The following RHOD variants were observed in gnomAD, a reference collection of about 807,000 sequenced individuals.
RHOD encodes ras homolog family member D.
RHOD carries 11 observed loss-of-function variants against 16.7 expected under a neutral mutation model. The ratio of observed to expected loss-of-function variants is 0.66; its 90% CI spans 0.41 to 1.09. RHOD has a LOEUF of 1.09. Ranked by LOEUF, RHOD falls within the 50% of genes least tolerant of loss-of-function variation. RHOD has a pLI of 0.00. For missense variants in RHOD, 271 were observed against 291.7 expected (o/e 0.93, Z 0.52); for synonymous variants, 124 against 126.3 (o/e 0.98, Z 0.12).
At chr11:67,068,494 G>T (rs1854986903) in intron 3 of RHOD, among the ~76,000 whole-genome samples, 1 of 152,238 alleles carries the variant, frequency 6.6e-6, no homozygotes, top group East Asian at 1.9e-4. Flanking sequence ...GTTATCGAGG[G>T]ATCAGTAGGA....
chr11:67,058,498 A>T (rs1453642234), intron 1 of RHOD, among the ~76,000 whole-genome samples: 1 of 151,896 alleles, frequency 6.6e-6, no homozygotes, highest in Non-Finnish European at 1.5e-5. Flanking sequence ...TTTAGTAGAG[A>T]TGGAGTTTTG....
In RHOD at chr11:67,072,000, G is replaced by C; in HGVS notation, c.*398G>C. The C allele has an allele frequency of 2.1e-5, 4 of 190,946 alleles. No homozygotes were observed. The highest frequency in any genetic ancestry group is 2.1e-5 in the Non-Finnish European group (2 of 94,448). 11.8% of individuals were successfully genotyped at this position (190,946 alleles called of 1,614,324 possible). A position where few individuals can be genotyped will look rare whatever the true frequency, so the allele number is the denominator to read the frequency against. On this transcript the variant is annotated 3_prime_UTR_variant, in exon 5 of 5. Coordinates refer to ENST00000308831, the MANE Select transcript of RHOD (RefSeq NM_014578.4). Reference sequence around the variant, plus strand: ...CCTGTCATACTGGTAACTGTAACAAGAAAAACGACATCACTTATCATTGTG... The same window carrying C: ...CCTGTCATACTGGTAACTGTAACAACAAAAACGACATCACTTATCATTGTG...
At position 67,071,869 on chromosome 11, in the gene RHOD, G is replaced by T. The variant is rs1319954257; in HGVS notation, c.*267G>T. On this transcript the variant is annotated 3_prime_UTR_variant, in exon 5 of 5. Transcript: ENST00000308831. ...GGTCCCGGACCGACATCCTGGAGCC[G>T]CCTGTGCAGCCTGATGCCCCCTCGT... 4.9e-6 allele frequency: 2 copies of T among 405,626 alleles called. No homozygotes were observed. Among genetic ancestry groups the T allele is most frequent in the South Asian group, 7.0e-5 (1 of 14,252 alleles). The allele number at this position is 405,626 out of a possible 1,614,324, so 25.1% of individuals were successfully genotyped here. A position where few individuals can be genotyped will look rare whatever the true frequency, so the allele number is the denominator to read the frequency against.
chr11:67,065,815 G>A, intron 1 of RHOD, 81 bp from the exon 2 acceptor site: 1 of 878,160 alleles, frequency 1.1e-6, no homozygotes, highest in Non-Finnish European at 1.8e-6. Context: ...CCCCAAGGAG[G>A]GAGCAGCGCT....
Position 67,056,871 on chromosome 11 carries a change from GC to G in RHOD, c.-29del. 7.4e-7 allele frequency: 1 copy of G among 1,353,054 alleles called. No individual in the cohort carries two copies. The highest frequency in any genetic ancestry group is 1.5e-5 in the African/African-American group (1 of 64,680). The allele number at this position is 1,353,054 out of a possible 1,614,324, so 83.8% of individuals were successfully genotyped here. A position where few individuals can be genotyped will look rare whatever the true frequency, so the allele number is the denominator to read the frequency against. On this transcript the variant is annotated 5_prime_UTR_variant, in exon 1 of 5. Transcript: ENST00000308831. ...CAGTCTGGGTCTCTGCGCCGCAGCC[GC>G]CCGCCCGCCCGCTCAGCGCCCGGCC...
chr11:67,066,009 TG>T, intron 2 of RHOD, 26 bp downstream of exon 2: 1 of 566,852 alleles, frequency 1.8e-6, no homozygotes, highest in Non-Finnish European at 3.5e-6. Flanking sequence ...TGGGGCAGGG[TG>T]GGAGGGGCTT....
intron 4 of RHOD, 78 bp downstream of exon 4, chr11:67,070,637 T>C (rs1362410629): frequency 1.3e-6 from 2 of 1,565,372 alleles, no homozygotes; most frequent in African/African-American, 2.7e-5. Context: ...TGGCACCAGG[T>C]GTCCAGAACG....
In RHOD at chr11:67,066,051, C is replaced by T. The variant is rs997994973; in HGVS notation, c.220+68C>T. The T allele has an allele frequency of 1.3e-5, 17 of 1,262,652 alleles. No homozygotes were observed. The African/African-American group carries it at 1.6e-4, about 12-fold the overall frequency. 78.2% of individuals were successfully genotyped at this position (1,262,652 alleles called of 1,614,324 possible). ...GGCCCCTGATGCCTGGGACAGATTC[C>T]GCTCTGCTTCCTTCTGAACCAGGGA... On this transcript the variant is annotated intron_variant, in intron 2 of 4. Transcript: ENST00000308831.
Position 67,066,866 on chromosome 11 carries a change from G to A in RHOD, c.330+19G>A, listed in dbSNP as rs761741990. 9 of 1,521,416 alleles carry A rather than the reference G, an allele frequency of 5.9e-6. No homozygotes were observed. The Admixed American group carries it at 1.2e-4, about 20-fold the overall frequency. The allele number at this position is 1,521,416 out of a possible 1,614,324, so 94.2% of individuals were successfully genotyped here. A position where few individuals can be genotyped will look rare whatever the true frequency, so the allele number is the denominator to read the frequency against. On this transcript the variant is annotated intron_variant, in intron 3 of 4. Transcript: ENST00000308831. Reference sequence around the variant, plus strand: ...TAACCGGGTAGGTACTGGGGGGCAGGGAGGCATAGCCCCCATAGCCAGGCC... The same window carrying A: ...TAACCGGGTAGGTACTGGGGGGCAGAGAGGCATAGCCCCCATAGCCAGGCC...
intron 1 of RHOD, among the ~76,000 whole-genome samples, 168 bp from the exon 2 acceptor site, chr11:67,065,728 A>G (rs1854951420): frequency 6.6e-6 from 1 of 152,082 alleles, no homozygotes; most frequent in African/African-American, 2.4e-5. Context: ...GGAGTTTGCA[A>G]AAGCAGACAG....
chr11:67,067,167 C>T (rs913081882), intron 3 of RHOD, among the ~76,000 whole-genome samples: 12 of 152,214 alleles, frequency 7.9e-5, no homozygotes, highest in Non-Finnish European at 1.2e-4. Context: ...GAGCCAGAGG[C>T]TGCTACATCT....
chr11:67,061,828 G>A (rs972178588), intron 1 of RHOD, among the ~76,000 whole-genome samples: 3 of 144,476 alleles, frequency 2.1e-5, no homozygotes, highest in African/African-American at 7.7e-5. Context: ...ATATGTGTGT[G>A]TGTGTGTGTG....
chr11:67,057,077 G>T (rs528250388), intron 1 of RHOD, 43 bp downstream of exon 1: 2 of 1,399,588 alleles, frequency 1.4e-6, no homozygotes, highest in Non-Finnish European at 9.2e-7. Flanking sequence ...CCGCTCGCGC[G>T]CCCGGGTGTA....
chr11:67,063,251 G>A (rs1402903365), intron 1 of RHOD, among the ~76,000 whole-genome samples: 1 of 152,088 alleles, frequency 6.6e-6, no homozygotes, highest in Non-Finnish European at 1.5e-5. Context: ...ATTACTTTGG[G>A]AGGCCAAGGT....
chr11:67,071,122 A>G (rs571659679), intron 4 of RHOD, among the ~76,000 whole-genome samples: 3 of 152,182 alleles, frequency 2.0e-5, no homozygotes, highest in African/African-American at 7.2e-5. Context: ...CTGTAGTCCT[A>G]GCTACTCTGG....
chr11:67,057,180 G>T (rs1590666770), intron 1 of RHOD, 146 bp downstream of exon 1: 1 of 1,028,266 alleles, frequency 9.7e-7, no homozygotes, highest in Non-Finnish European at 1.3e-6. Context: ...GAGTTCTTCC[G>T]CCCCAGCCAT....
At chr11:67,061,842 G>A (rs56012018) in intron 1 of RHOD, among the ~76,000 whole-genome samples, 70,628 of 140,942 alleles carry the variant, frequency 0.5, 18,549 homozygotes, top group African/African-American at 0.65. Context: ...GTGTGTGTGT[G>A]TGTATATATA....
intron 1 of RHOD, among the ~76,000 whole-genome samples, chr11:67,059,069 C>T (rs1333008237): frequency 1.3e-5 from 2 of 152,108 alleles, no homozygotes; most frequent in Non-Finnish European, 2.9e-5. Context: ...GGAGTTATGA[C>T]GTGGAAATGG....
chr11:67,057,054 G>T lies in RHOD; in HGVS notation c.132+20G>T, dbSNP rs369064927. ...CCCGAGGTGAGTGCCCCGCGCCTCCGCCTCGCCCGGTTCCGCTCGCGCGCC... is the reference window on the plus strand; with the variant it reads ...CCCGAGGTGAGTGCCCCGCGCCTCCTCCTCGCCCGGTTCCGCTCGCGCGCC... On this transcript the variant is annotated intron_variant, in intron 1 of 4. Transcript: ENST00000308831. 151 of 1,426,678 alleles carry T rather than the reference G, an allele frequency of 1.1e-4. No individual in the cohort carries two copies. The highest frequency in any genetic ancestry group is 1.3e-4 in the Non-Finnish European group (144 of 1,100,466). 88.4% of individuals were successfully genotyped at this position (1,426,678 alleles called of 1,614,324 possible).
Sources: allele counts gnomAD v4.1 joint callset (sites outside exome capture counted in the v4.1 genomes callset), GRCh38; gene constraint gnomAD v4.1.1; transcripts MANE v1.5; gene names NCBI Gene and HGNC (gene_info 2026-07-23, HGNC 2026-07-21).